Variants in CUL5 observed in about 807,000 individuals in gnomAD.
CUL5 encodes cullin 5.
In CUL5, 26 loss-of-function variants were observed where a neutral mutation model predicts 108.8. The ratio of observed to expected loss-of-function variants is 0.24; its 90% CI spans 0.18 to 0.33. The LOEUF is 0.33. CUL5 is among the 10% of genes least tolerant of loss of function. The pLI, the probability that CUL5 is intolerant of heterozygous loss-of-function variation, is 1.00. For synonymous variants in CUL5, 334 were observed against 298.0 expected (o/e 1.12, Z -1.25); for missense variants, 524 against 909.2 (o/e 0.58, Z 5.45).
At chr11:108,015,100 T>C (rs1305663554) in intron 1 of CUL5, among the ~76,000 whole-genome samples, 4 of 152,096 alleles carry the variant, frequency 2.6e-5, no homozygotes, top group Non-Finnish European at 2.9e-5. Flanking sequence ...GGTTTCACCA[T>C]GTTGGCCAGG....
chr11:108,026,180 G>A (rs1862447403), intron 1 of CUL5, among the ~76,000 whole-genome samples: 1 of 151,902 alleles, frequency 6.6e-6, no homozygotes, highest in Admixed American at 6.6e-5. Context: ...TTCTGCTTGG[G>A]AAAAGTGTAC....
intron 10 of CUL5, among the ~76,000 whole-genome samples, chr11:108,076,670 A>T (rs977732888): frequency 2.9e-4 from 44 of 152,136 alleles, no homozygotes; most frequent in African/African-American, 1.0e-3. Context: ...AATGCAGTGA[A>T]TGTGGGAGTG....
intron 11 of CUL5, among the ~76,000 whole-genome samples, chr11:108,087,274 T>G (rs1864241609): frequency 1.3e-5 from 2 of 152,226 alleles, no homozygotes; most frequent in South Asian, 4.1e-4. Context: ...AGTTGATGCA[T>G]CCAGTAAAAT....
Position 108,106,257 on chromosome 11 carries a change from A to G in CUL5, c.*1873A>G, listed in dbSNP as rs992202201. 1 of 152,582 alleles carries G rather than the reference A, an allele frequency of 6.6e-6. No homozygotes were observed. Among genetic ancestry groups the G allele is most frequent in the African/African-American group, 2.4e-5 (1 of 41,456 alleles). The allele number at this position is 152,582 out of a possible 1,614,324, so 9.5% of individuals were successfully genotyped here. On this transcript the variant is annotated 3_prime_UTR_variant, in exon 19 of 19. Transcript: ENST00000393094. ...TGTCCCAATACAAGAATGCCAAAGG[A>G]GGAAACAGGAAAAATTGCCGTCCAT... is the stretch of plus-strand genomic sequence containing the variant.
chr11:108,013,620 C>G (rs1862110134), intron 1 of CUL5, among the ~76,000 whole-genome samples: 1 of 152,174 alleles, frequency 6.6e-6, no homozygotes, highest in Admixed American at 6.5e-5. Context: ...CTGATTGGAT[C>G]TAGTGAGATG....
chr11:108,059,947 T>TA (rs1237992822), intron 7 of CUL5, among the ~76,000 whole-genome samples: 7 of 152,020 alleles, frequency 4.6e-5, no homozygotes, highest in Non-Finnish European at 8.8e-5. Flanking sequence ...ATATGTTACA[T>TA]TAAGCATTTG....
chr11:108,017,370 A>G (rs2135043337), intron 1 of CUL5, among the ~76,000 whole-genome samples: 1 of 141,908 alleles, frequency 7.0e-6, no homozygotes, highest in East Asian at 2.1e-4. Flanking sequence ...AGACTGGGCG[A>G]CAAAGCAAGA....
At chr11:108,056,227 G>A (rs1363860502) in intron 7 of CUL5, among the ~76,000 whole-genome samples, 1 of 152,200 alleles carries the variant, frequency 6.6e-6, no homozygotes, top group South Asian at 2.1e-4. Context: ...CACAACAATA[G>A]TATTTCCTCT....
chr11:108,009,797 A>G (rs993238705), intron 1 of CUL5, among the ~76,000 whole-genome samples: 1 of 151,894 alleles, frequency 6.6e-6, no homozygotes, highest in Non-Finnish European at 1.5e-5. Context: ...TCGACCCCCC[A>G]CTTCTTCCAT....
At chr11:108,038,478 A>G (rs1014162879) in intron 2 of CUL5, among the ~76,000 whole-genome samples, 3 of 152,092 alleles carry the variant, frequency 2.0e-5, no homozygotes, top group African/African-American at 7.2e-5. Context: ...ACCTGAGGTC[A>G]GGAGTTCGAG....
chr11:108,027,702 T>C (rs987779706), intron 1 of CUL5, among the ~76,000 whole-genome samples: 2 of 152,162 alleles, frequency 1.3e-5, no homozygotes, highest in African/African-American at 4.8e-5. Flanking sequence ...CTATTGCGCC[T>C]GGCTCCTCGT....
At chr11:108,053,908 A>G (rs1018967059) in intron 5 of CUL5, among the ~76,000 whole-genome samples, 3 of 151,766 alleles carry the variant, frequency 2.0e-5, no homozygotes, top group Non-Finnish European at 4.4e-5. Flanking sequence ...GCTGAAGTGC[A>G]GTGGCATGCT....
chr11:108,051,563 T>C (rs58243661), intron 4 of CUL5, among the ~76,000 whole-genome samples: 20,244 of 152,202 alleles, frequency 0.13, 1,440 homozygotes, highest in African/African-American at 0.19. Flanking sequence ...CTTGTTGTTA[T>C]TGTTGCTGTC....
In CUL5 at chr11:108,081,645, G is replaced by C. The variant is rs1285210935; in HGVS notation, c.1178+3405G>C. Among the ~76,000 whole-genome samples, 4 of 152,050 alleles carry C rather than the reference G, an allele frequency of 2.6e-5. No individual in the cohort carries two copies. In the East Asian group the frequency reaches 7.7e-4, roughly 29 times the overall value. On this transcript the variant is annotated intron_variant, in intron 11 of 18. Coordinates refer to ENST00000393094, the MANE Select transcript of CUL5 (RefSeq NM_003478.6). ...CGGGCACCTGTAGTCCCAGCTACTC[G>C]GGAGGCTGAGGCAGGAGAATGGTGT...
chr11:108,066,618 A>T (rs961012733), intron 7 of CUL5, among the ~76,000 whole-genome samples: 4 of 152,156 alleles, frequency 2.6e-5, no homozygotes, highest in African/African-American at 9.7e-5. Flanking sequence ...TCTAGCCTTC[A>T]TCAGTTTCTT....
At chr11:108,058,004 T>G (rs1332882428) in intron 7 of CUL5, among the ~76,000 whole-genome samples, 4 of 150,940 alleles carry the variant, frequency 2.7e-5, no homozygotes, top group Non-Finnish European at 5.9e-5. Context: ...TGGTCAGGAG[T>G]TCAAGACCAG....
At chr11:108,086,377 C>T (rs1050167434) in intron 11 of CUL5, among the ~76,000 whole-genome samples, 1 of 152,096 alleles carries the variant, frequency 6.6e-6, no homozygotes, top group Non-Finnish European at 1.5e-5. Flanking sequence ...ACTGCTTGAG[C>T]CCAGGAGTTC....
At chr11:108,017,013 TAATATC>T (rs1862210281) in intron 1 of CUL5, among the ~76,000 whole-genome samples, 1 of 152,120 alleles carries the variant, frequency 6.6e-6, no homozygotes. Flanking sequence ...TACATACAAA[TAATATC>T]AAAGGTAATT....
intron 2 of CUL5, among the ~76,000 whole-genome samples, chr11:108,036,521 C>T (rs1375945620): frequency 6.6e-6 from 1 of 152,132 alleles, no homozygotes; most frequent in East Asian, 1.9e-4. Context: ...CTTTGTTGCC[C>T]AGGCTGGAAT....
Sources: gnomAD v4.1 joint callset for allele counts (sites outside exome capture counted in the v4.1 genomes callset) on GRCh38, gnomAD v4.1.1 for gene constraint, MANE v1.5 for transcripts, NCBI Gene and HGNC (gene_info 2026-07-23, HGNC 2026-07-21) for gene names.